KCTD16: variants seen among roughly 807,000 people sequenced by gnomAD.
The protein encoded by KCTD16 is BTB/POZ domain-containing protein KCTD16.
Under a neutral mutation model 33.2 loss-of-function variants are expected in KCTD16, and 13 were observed. The ratio of observed to expected loss-of-function variants is 0.39; its 90% CI spans 0.25 to 0.62. KCTD16 has a LOEUF of 0.62. KCTD16 is among the 20% of genes least tolerant of loss of function. The probability of loss-of-function intolerance (pLI) is 0.50; values close to 1 mark genes in which losing one functional copy is unlikely to be tolerated. For synonymous variants in KCTD16, 197 were observed against 195.3 expected (o/e 1.01, Z -0.07); for missense variants, 441 against 525.1 (o/e 0.84, Z 1.57).
chr5:144,434,362 G>T (rs2126971585), intron 3 of KCTD16, among the ~76,000 whole-genome samples: 1 of 152,132 alleles, frequency 6.6e-6, no homozygotes, highest in African/African-American at 2.4e-5. Flanking sequence ...TAAATTAATT[G>T]TATTTCACAG....
chr5:144,197,144 C>G (rs1752954227), intron 2 of KCTD16, among the ~76,000 whole-genome samples: 1 of 152,074 alleles, frequency 6.6e-6, no homozygotes, highest in Admixed American at 6.5e-5. Flanking sequence ...TGTCTGGTAC[C>G]TTGACAAAAT....
intron 2 of KCTD16, chr5:144,205,456 C>T (rs1049515618): frequency 1.3e-5 from 5 of 398,370 alleles, no homozygotes; most frequent in Non-Finnish European, 2.2e-5. Context: ...GAGCCCCGGG[C>T]CCCCCGCCGG....
At chr5:144,328,756 G>A (rs1254574492) in intron 3 of KCTD16, among the ~76,000 whole-genome samples, 1 of 151,860 alleles carries the variant, frequency 6.6e-6, no homozygotes, top group Non-Finnish European at 1.5e-5. Context: ...ATCTACTGTG[G>A]GTTTTGCCCG....
intron 3 of KCTD16, among the ~76,000 whole-genome samples, chr5:144,358,935 G>A (rs1751639318): frequency 6.6e-6 from 1 of 152,112 alleles, no homozygotes; most frequent in Admixed American, 6.6e-5. Flanking sequence ...TATAGGGGGT[G>A]GATATAAACT....
At chr5:144,279,016 G>T (rs187696239) in intron 3 of KCTD16, among the ~76,000 whole-genome samples, 39 of 152,280 alleles carry the variant, frequency 2.6e-4, no homozygotes, top group African/African-American at 7.9e-4. Context: ...TTCAGGAAAA[G>T]ATTTTGTACA....
chr5:144,351,991 A>T (rs764119730), intron 3 of KCTD16, among the ~76,000 whole-genome samples: 16 of 152,218 alleles, frequency 1.1e-4, no homozygotes, highest in Non-Finnish European at 2.1e-4. Context: ...TAATCACAAC[A>T]TATTGTATAT....
At chr5:144,250,332 T>G (rs1362993721) in intron 3 of KCTD16, among the ~76,000 whole-genome samples, 1 of 152,226 alleles carries the variant, frequency 6.6e-6, no homozygotes, top group Non-Finnish European at 1.5e-5. Context: ...TCTGCTGCTG[T>G]GTTAACCTAA....
At chr5:144,365,719 T>C (rs1693275999) in intron 3 of KCTD16, among the ~76,000 whole-genome samples, 2 of 152,216 alleles carry the variant, frequency 1.3e-5, no homozygotes, top group Non-Finnish European at 2.9e-5. Flanking sequence ...CGTGCCAAGT[T>C]GCAATCAATG....
chr5:144,341,648 GTTCACCGA>G (rs1445120806), intron 3 of KCTD16, among the ~76,000 whole-genome samples: 1 of 152,160 alleles, frequency 6.6e-6, no homozygotes, highest in Non-Finnish European at 1.5e-5. Context: ...ATTTGCACAA[GTTCACCGA>G]TTCCCAACTG....
chr5:144,363,608 A>G (rs1239850656), intron 3 of KCTD16, among the ~76,000 whole-genome samples: 2 of 152,080 alleles, frequency 1.3e-5, no homozygotes, highest in East Asian at 3.9e-4. Flanking sequence ...TGCTCCAGGA[A>G]CATCAGAGTC....
In KCTD16 at chr5:144,436,044, G is replaced by A. The variant is rs549322524; in HGVS notation, c.833-37616G>A. ...GTAAAGAACAGTTGTGCTTGTAGGA[G>A]CATATTTATAGAGCCGCTCTTTCTA... On this transcript the variant is annotated intron_variant, in intron 3 of 3. Coordinates refer to ENST00000512467, the MANE Select transcript of KCTD16 (RefSeq NM_020768.4). Among the ~76,000 whole-genome samples the A allele has an allele frequency of 8.5e-5, 13 of 152,256 alleles. 1 individual carries two copies. The South Asian group carries it at 2.7e-3, about 32-fold the overall frequency.
intron 2 of KCTD16, among the ~76,000 whole-genome samples, chr5:144,181,479 A>G (rs1345508339): frequency 1.3e-5 from 2 of 152,142 alleles, no homozygotes; most frequent in South Asian, 2.1e-4. Context: ...TCCCATGTTC[A>G]TTGCAGCATT....
chr5:144,456,328 A>C (rs988534795), intron 3 of KCTD16, among the ~76,000 whole-genome samples: 7 of 152,194 alleles, frequency 4.6e-5, no homozygotes, highest in Non-Finnish European at 7.3e-5. Context: ...TAATACATAA[A>C]GAAAATACAT....
chr5:144,345,043 A>G lies in KCTD16; in HGVS notation c.833-128617A>G, dbSNP rs553509486. On this transcript the variant is annotated intron_variant, in intron 3 of 3. Coordinates refer to ENST00000512467, the MANE Select transcript of KCTD16 (RefSeq NM_020768.4). ...TGCAGCCATGAAAAATGATGAGTTC[A>G]TGTCCTTTGTAGGGACATGGATGTA... 3.9e-5 allele frequency among the ~76,000 whole-genome samples: 6 copies of G among 152,144 alleles called. No homozygotes were observed. The South Asian group carries it at 1.2e-3, about 32-fold the overall frequency.
chr5:144,322,668 T>C (rs1705736117), intron 3 of KCTD16, among the ~76,000 whole-genome samples: 1 of 151,984 alleles, frequency 6.6e-6, no homozygotes, highest in Non-Finnish European at 1.5e-5. Flanking sequence ...TTCTATATTT[T>C]GCTTAAGCCA....
At chr5:144,284,722 C>T (rs910171037) in intron 3 of KCTD16, among the ~76,000 whole-genome samples, 2 of 152,102 alleles carry the variant, frequency 1.3e-5, no homozygotes. Context: ...AAAAGTATAT[C>T]AGATCCACTT....
At chr5:144,401,844 T>G (rs2126946821) in intron 3 of KCTD16, among the ~76,000 whole-genome samples, 1 of 152,290 alleles carries the variant, frequency 6.6e-6, no homozygotes, top group East Asian at 1.9e-4. Context: ...AGAAGCTCAG[T>G]GAGATGAAGT....
In KCTD16 at chr5:144,241,209, A is replaced by T. The variant is rs116844533; in HGVS notation, c.832+33663A>T. ...CCTGGGAATAATGACACTGGAAAGA[A>T]GGGCACTACGTGAGTAAAAAACACT... On this transcript the variant is annotated intron_variant, in intron 3 of 3. Transcript: ENST00000512467. 1.6e-3 allele frequency among the ~76,000 whole-genome samples: 239 copies of T among 152,284 alleles called. 3 individuals carry two copies. The East Asian group carries it at 0.039, about 25-fold the overall frequency.
At chr5:144,313,172 T>A (rs556457672) in intron 3 of KCTD16, among the ~76,000 whole-genome samples, 155 of 152,290 alleles carry the variant, frequency 1.0e-3, no homozygotes, top group African/African-American at 3.6e-3. Context: ...TGTTTTGGGG[T>A]TTTGTTTTAT....
Sources: allele counts gnomAD v4.1 joint callset (sites outside exome capture counted in the v4.1 genomes callset), GRCh38; gene constraint gnomAD v4.1.1; transcripts MANE v1.5; gene names NCBI Gene and HGNC (gene_info 2026-07-23, HGNC 2026-07-21).